PPP6C: variants seen among roughly 807,000 people sequenced by gnomAD.
PPP6C encodes the protein protein phosphatase 6 catalytic subunit, also known as serine/threonine-protein phosphatase 6 catalytic subunit.
Under a neutral mutation model 39.8 loss-of-function variants are expected in PPP6C, and 11 were observed. The observed-to-expected ratio is 0.28, with a 90% CI of 0.17 to 0.46. PPP6C has a LOEUF of 0.46. Among genes scored for constraint, PPP6C ranks in the 20% least tolerant of loss-of-function variants. PPP6C has a pLI of 1.00. For missense variants in PPP6C, 211 were observed against 373.9 expected (o/e 0.56, Z 3.59); for synonymous variants, 129 against 130.3 (o/e 0.99, Z 0.07).
intron 2 of PPP6C, 32 bp downstream of exon 2, chr9:125,171,053 C>A: frequency 6.8e-7 from 1 of 1,459,912 alleles, no homozygotes; most frequent in Non-Finnish European, 9.4e-7. Context: ...ATGGACAGTA[C>A]AAAACTTAAA....
At chr9:125,186,762 A>T (rs12237819) in intron 1 of PPP6C, among the ~76,000 whole-genome samples, 2,273 of 151,732 alleles carry the variant, frequency 0.015, 112 homozygotes, top group Admixed American at 0.082. Flanking sequence ...CCCCCACCAA[A>T]AAAAAGATTA....
At chr9:125,156,744 G>GCGCTCTCT (rs763621443) in intron 4 of PPP6C, among the ~76,000 whole-genome samples, 1 of 141,342 alleles carries the variant, frequency 7.1e-6, no homozygotes, top group South Asian at 2.3e-4. Flanking sequence ...TAATAAGCTC[G>GCGCTCTCT]CTCTCTCTCT....
intron 2 of PPP6C, among the ~76,000 whole-genome samples, chr9:125,165,535 A>G (rs570624536): frequency 1.3e-5 from 2 of 152,262 alleles, no homozygotes; most frequent in African/African-American, 2.4e-5. Flanking sequence ...AAATCTCTTC[A>G]ATGTCTGGCT....
intron 1 of PPP6C, among the ~76,000 whole-genome samples, chr9:125,174,215 G>A (rs1343732152): frequency 6.6e-6 from 1 of 151,922 alleles, no homozygotes; most frequent in Admixed American, 6.6e-5. Context: ...ATTAATTAAG[G>A]AATCTAAATG....
At chr9:125,159,553 T>C (rs1007150387) in intron 3 of PPP6C, among the ~76,000 whole-genome samples, 2 of 151,926 alleles carry the variant, frequency 1.3e-5, no homozygotes, top group African/African-American at 2.4e-5. Context: ...ATTGGAAGAG[T>C]TGCCTACTTG....
At chr9:125,156,580 C>G (rs1014682525) in intron 4 of PPP6C, among the ~76,000 whole-genome samples, 1 of 152,092 alleles carries the variant, frequency 6.6e-6, no homozygotes, top group South Asian at 2.1e-4. Context: ...CCCAGCCTAT[C>G]TTTATAATGA....
At chr9:125,164,163 C>T (rs139962930) in intron 2 of PPP6C, among the ~76,000 whole-genome samples, 73 of 151,532 alleles carry the variant, frequency 4.8e-4, no homozygotes, top group African/African-American at 1.7e-3. Flanking sequence ...TTACTAGACA[C>T]CTACCTCATC....
chr9:125,173,054 A>G (rs547302341), intron 1 of PPP6C, among the ~76,000 whole-genome samples: 13 of 152,264 alleles, frequency 8.5e-5, no homozygotes, highest in African/African-American at 2.4e-4. Flanking sequence ...AAGTGGGTGG[A>G]TCATTTGAGG....
At chr9:125,161,585 A>C (rs1309492386) in intron 2 of PPP6C, among the ~76,000 whole-genome samples, 2 of 152,182 alleles carry the variant, frequency 1.3e-5, no homozygotes, top group Admixed American at 6.5e-5. Context: ...CTAGGACCAC[A>C]GTTACACACC....
chr9:125,150,168 A>G lies in PPP6C; in HGVS notation c.670-247T>C, dbSNP rs577407051. Among the ~76,000 whole-genome samples, 7 of 152,318 alleles carry G rather than the reference A, an allele frequency of 4.6e-5. No homozygotes were observed. The South Asian group carries it at 1.5e-3, about 32-fold the overall frequency. ...AAATTTCTGGAAGAAAAAGCATTCAATAGGTACTATGAAACAAAATTTTGT... is the reference window on the plus strand; with the variant it reads ...AAATTTCTGGAAGAAAAAGCATTCAGTAGGTACTATGAAACAAAATTTTGT... On this transcript the variant is annotated intron_variant, in intron 6 of 6. Coordinates refer to ENST00000373547, the MANE Select transcript of PPP6C (RefSeq NM_002721.5).
intron 4 of PPP6C, among the ~76,000 whole-genome samples, chr9:125,155,739 T>C (rs1435986378): frequency 4.0e-5 from 6 of 151,866 alleles, no homozygotes; most frequent in Non-Finnish European, 2.9e-5. Context: ...CTGTCTCTAC[T>C]AAAAAATACA....
At position 125,149,837 on chromosome 9, in the gene PPP6C, G is replaced by C. The variant is rs368818734; in HGVS notation, c.754C>G (p.Leu252Val). ...EGYKFMFDEKLVTVWSAPNYC... is the reference protein window; with the variant it reads ...EGYKFMFDEKVVTVWSAPNYC... ...TTAGGAGCAGACCATACTGTCACCA[G>C]CTTCTCATCAAACATAAATTTATAG... The change falls in exon 7 of 7, where the codon CTG becomes GTG. Residue 252 changes from leucine (L) to valine (V), a missense_variant. By Grantham distance (32) the Leu-to-Val change is conservative. This residue lies in a region of PPP6C where 168 missense variants were observed against 342.6 expected (regional missense o/e 0.49). Transcript: ENST00000373547. 6.2e-7 allele frequency: 1 copy of C among 1,614,168 alleles called. No individual in the cohort carries two copies. Among genetic ancestry groups the C allele is most frequent in the South Asian group, 1.1e-5 (1 of 91,086 alleles).
intron 1 of PPP6C, among the ~76,000 whole-genome samples, chr9:125,173,175 G>A (rs1829212814): frequency 6.6e-6 from 1 of 152,032 alleles, no homozygotes. Flanking sequence ...AACTTTGGGA[G>A]GCTGAGGTGG....
intron 1 of PPP6C, among the ~76,000 whole-genome samples, chr9:125,175,434 C>G (rs1285920313): frequency 6.6e-6 from 1 of 151,634 alleles, no homozygotes; most frequent in Non-Finnish European, 1.5e-5. Flanking sequence ...GTCAGGAGAT[C>G]GAGACCATCC....
intron 1 of PPP6C, chr9:125,188,805 T>TAAA: frequency 2.9e-6 from 1 of 339,084 alleles, no homozygotes; most frequent in East Asian, 8.5e-5. Context: ...ATAATAATAA[T>TAAA]AATAATAATA....
At position 125,188,793 on chromosome 9, in the gene PPP6C, CAATAATAATAAT is replaced by C. The variant is rs57163595; in HGVS notation, c.75+839_75+850del. 6 of 254,746 alleles carry C rather than the reference CAATAATAATAAT, an allele frequency of 2.4e-5. 2 individuals carry two copies. The highest frequency in any genetic ancestry group is 4.2e-5 in the Non-Finnish European group (6 of 143,516). 15.8% of individuals were successfully genotyped at this position (254,746 alleles called of 1,614,324 possible). ...AGTGAGACTCTATCTCAGTTAAAAA[CAATAATAATAAT>C]AATAATAATAATAATTAAAAAGTTT... is the stretch of plus-strand genomic sequence containing the variant. On this transcript the variant is annotated intron_variant, in intron 1 of 6. Coordinates refer to ENST00000373547, the MANE Select transcript of PPP6C (RefSeq NM_002721.5).
At position 125,149,669 on chromosome 9, in the gene PPP6C, G is replaced by A. The variant is rs757269769; in HGVS notation, c.*4C>T. 17 of 1,612,948 alleles carry A rather than the reference G, an allele frequency of 1.1e-5. No homozygotes were observed. Among genetic ancestry groups the A allele is most frequent in the Non-Finnish European group, 8.5e-6 (10 of 1,178,968 alleles). The stretch of plus-strand genomic sequence containing the variant: ...AAAATGGGTCAGCAGGATGGGCGAA[G>A]GCCTCAAAGGAAATATGGCGTTGTC... On this transcript the variant is annotated 3_prime_UTR_variant, in exon 7 of 7. Transcript: ENST00000373547.
In PPP6C at chr9:125,153,649, T is replaced by C. The variant is rs1836003066; in HGVS notation, c.553A>G (p.Ile185Val). Reference protein sequence around the residue: ...QIRTIERNQEIPHKGAFCDLV... With the variant: ...QIRTIERNQEVPHKGAFCDLV... Reference sequence around the variant, plus strand: ...TCACAAAATGCTCCTTTATGAGGAATTTCCTGATTCCGTTCGATGGTTCGA... The same window carrying C: ...TCACAAAATGCTCCTTTATGAGGAACTTCCTGATTCCGTTCGATGGTTCGA... Residue 185 changes from isoleucine (I) to valine (V), a missense_variant, in exon 6 of 7, where the codon ATT (isoleucine) becomes GTT (valine). Around this residue, in one of 2 missense-constraint regions of PPP6C, gnomAD observed 168 missense variants for 342.6 expected, o/e 0.49. Transcript: ENST00000373547. The C allele has an allele frequency of 6.2e-7, 1 of 1,614,102 alleles. No individual in the cohort carries two copies. The highest frequency in any genetic ancestry group is 1.1e-5 in the South Asian group (1 of 91,084).
Position 125,149,637 on chromosome 9 carries a change from G to A in PPP6C, c.*36C>T, listed in dbSNP as rs753349665. 1.2e-6 allele frequency: 2 copies of A among 1,603,888 alleles called. No homozygotes were observed. The highest frequency in any genetic ancestry group is 1.1e-5 in the South Asian group (1 of 89,926). Reference sequence around the variant, plus strand: ...ATACAAGAAAATTGGGGTAAGAAGAGGGCAGAAAAATGGGTCAGCAGGATG... The same window carrying A: ...ATACAAGAAAATTGGGGTAAGAAGAAGGCAGAAAAATGGGTCAGCAGGATG... On this transcript the variant is annotated 3_prime_UTR_variant, in exon 7 of 7. Coordinates refer to ENST00000373547, the MANE Select transcript of PPP6C (RefSeq NM_002721.5).
Sources: gnomAD v4.1 joint callset for allele counts (sites outside exome capture counted in the v4.1 genomes callset) on GRCh38, gnomAD v4.1.1 for gene constraint, gnomAD v4.1.1 regional missense constraint, MANE v1.5 for transcripts, NCBI Gene and HGNC (gene_info 2026-07-23, HGNC 2026-07-21) for gene names.